Variants in PABPC4L observed in about 807,000 individuals in gnomAD.
PABPC4L encodes the protein poly(A) binding protein cytoplasmic 4 like.
For missense variants in PABPC4L, 452 were observed against 451.4 expected (o/e 1.00, Z -0.01); for synonymous variants, 169 against 164.1 (o/e 1.03, Z -0.23).
chr4:134,083,346 T>A, the PABPC4L span, among the ~76,000 whole-genome samples: 1 of 152,238 alleles, frequency 6.6e-6, no homozygotes, highest in East Asian at 1.9e-4. Context: ...AGGATTGGAT[T>A]ATATTTTAAA....
At chr4:133,978,229 G>C in the PABPC4L span, among the ~76,000 whole-genome samples, 1 of 152,186 alleles carries the variant, frequency 6.6e-6, no homozygotes, top group Non-Finnish European at 1.5e-5. Context: ...TGAGGGCTCT[G>C]TTGCTCCACC....
the PABPC4L span, among the ~76,000 whole-genome samples, chr4:134,007,802 T>C: frequency 6.6e-6 from 1 of 151,672 alleles, no homozygotes; most frequent in Non-Finnish European, 1.5e-5. Context: ...AGTTAATAAA[T>C]TTACTAAAAT....
At chr4:133,984,970 A>G in the PABPC4L span, among the ~76,000 whole-genome samples, 1 of 152,006 alleles carries the variant, frequency 6.6e-6, no homozygotes, top group African/African-American at 2.4e-5. Flanking sequence ...CTAGTACAAG[A>G]ACTAAAGGAA....
At chr4:134,161,527 G>A in the PABPC4L span, among the ~76,000 whole-genome samples, 1 of 151,990 alleles carries the variant, frequency 6.6e-6, no homozygotes, top group Non-Finnish European at 1.5e-5. Context: ...TTGAAATGGT[G>A]AAAGAAAAAA....
chr4:134,142,735 T>G, the PABPC4L span, among the ~76,000 whole-genome samples: 2 of 151,634 alleles, frequency 1.3e-5, no homozygotes, highest in South Asian at 4.2e-4. Flanking sequence ...AGGAATTTAG[T>G]GTTTCTAATA....
At position 134,198,882 on chromosome 4, in the gene PABPC4L, G is replaced by T. The variant is rs1221220897; in HGVS notation, c.*1025C>A. 1.3e-5 allele frequency: 2 copies of T among 152,058 alleles called. No individual in the cohort carries two copies. The highest frequency in any genetic ancestry group is 4.8e-5 in the African/African-American group (2 of 41,552). The allele number at this position is 152,058 out of a possible 1,614,324, so 9.4% of individuals were successfully genotyped here. On this transcript the variant is annotated 3_prime_UTR_variant, in exon 2 of 2. Coordinates refer to ENST00000421491, the MANE Select transcript of PABPC4L (RefSeq NM_001114734.2). ...TGTTTCTGATCAATGAAGGCTAAAA[G>T]TGAACCTTAATGGGTTCCATAGCTG... is the stretch of plus-strand genomic sequence containing the variant.
the PABPC4L span, among the ~76,000 whole-genome samples, chr4:134,046,343 C>T: frequency 6.6e-6 from 1 of 152,142 alleles, no homozygotes; most frequent in South Asian, 2.1e-4. Context: ...TCCACCCAAA[C>T]ATCTCAGTGT....
At chr4:134,042,466 G>A in the PABPC4L span, among the ~76,000 whole-genome samples, 60 of 152,186 alleles carry the variant, frequency 3.9e-4, no homozygotes, top group East Asian at 6.8e-3. Flanking sequence ...GTAATAACAT[G>A]TATTGACAAT....
At position 134,200,362 on chromosome 4, in the gene PABPC4L, T is replaced by G; in HGVS notation, c.658A>C (p.Lys220Gln). ...TTCCCACTGGAATCTGTCATCACCT[T>G]AACACTCAGAGTTTTGCCATATTTG... Reference protein sequence around the residue: ...FSKYGKTLSVKVMTDSSGKSK... With the variant: ...FSKYGKTLSVQVMTDSSGKSK... Residue 220 changes from lysine (K) to glutamine (Q), a missense_variant, in exon 2 of 2, where the codon AAG becomes CAG. By Grantham distance (53) the Lys-to-Gln change is moderately conservative. Transcript: ENST00000421491. 1 of 1,590,988 alleles carries G rather than the reference T, an allele frequency of 6.3e-7. No homozygotes were observed. The highest frequency in any genetic ancestry group is 8.6e-7 in the Non-Finnish European group (1 of 1,167,224).
chr4:134,152,571 G>A, the PABPC4L span, among the ~76,000 whole-genome samples: 3 of 152,026 alleles, frequency 2.0e-5, no homozygotes, highest in Non-Finnish European at 4.4e-5. Flanking sequence ...TGCATTCTGG[G>A]CATCTGCACA....
chr4:134,073,946 T>G, the PABPC4L span, among the ~76,000 whole-genome samples: 2 of 152,008 alleles, frequency 1.3e-5, no homozygotes, highest in African/African-American at 4.8e-5. Flanking sequence ...ACAAAAGCAT[T>G]TATCCCTCCC....
the PABPC4L span, among the ~76,000 whole-genome samples, chr4:134,085,018 C>T: frequency 1.3e-5 from 2 of 152,096 alleles, no homozygotes; most frequent in Non-Finnish European, 1.5e-5. Flanking sequence ...CACACAGGAA[C>T]AGCAGAGGCC....
the PABPC4L span, among the ~76,000 whole-genome samples, chr4:133,983,683 AT>A: frequency 1.3e-5 from 2 of 151,904 alleles, no homozygotes; most frequent in Non-Finnish European, 3.0e-5. Flanking sequence ...CTAAGTGGAT[AT>A]AATTCTATAA....
chr4:134,099,538 C>T, the PABPC4L span, among the ~76,000 whole-genome samples: 1 of 151,646 alleles, frequency 6.6e-6, no homozygotes, highest in Admixed American at 6.6e-5. Context: ...ATTTTTTCTT[C>T]TGCTACTTTT....
At chr4:134,064,716 T>C in the PABPC4L span, among the ~76,000 whole-genome samples, 1 of 152,046 alleles carries the variant, frequency 6.6e-6, no homozygotes, top group African/African-American at 2.4e-5. Context: ...AAGCATAAAA[T>C]GCAATAGGTA....
At chr4:134,177,455 T>C in the PABPC4L span, among the ~76,000 whole-genome samples, 11 of 152,242 alleles carry the variant, frequency 7.2e-5, no homozygotes, top group South Asian at 2.1e-3. Context: ...ATTACAGGCA[T>C]GAGCCACCGT....
chr4:133,992,778 G>T, the PABPC4L span, among the ~76,000 whole-genome samples: 3 of 152,132 alleles, frequency 2.0e-5, no homozygotes, highest in African/African-American at 7.2e-5. Context: ...AAATTATGTG[G>T]AGTGAATGGT....
chr4:134,115,953 G>C, the PABPC4L span, among the ~76,000 whole-genome samples: 1 of 151,718 alleles, frequency 6.6e-6, no homozygotes, highest in Non-Finnish European at 1.5e-5. Flanking sequence ...TATTTGATTA[G>C]ATAAAAAAGA....
chr4:134,199,412 TTAAATTCGTACTA>T lies in PABPC4L; in HGVS notation c.*482_*494del, dbSNP rs1729771413. ...ATTAATTCAAAATGAAATTAGGTCT[TTAAATTCGTACTA>T]TAAATTTCTAAAAGTTTGATTTCTC... On this transcript the variant is annotated 3_prime_UTR_variant, in exon 2 of 2. Coordinates refer to ENST00000421491, the MANE Select transcript of PABPC4L (RefSeq NM_001114734.2). 6.6e-6 allele frequency: 1 copy of T among 152,268 alleles called. No individual in the cohort carries two copies. The highest frequency in any genetic ancestry group is 2.4e-5 in the African/African-American group (1 of 41,456). The allele number at this position is 152,268 out of a possible 1,614,324, so 9.4% of individuals were successfully genotyped here.
Sources: gnomAD v4.1 joint callset for allele counts (sites outside exome capture counted in the v4.1 genomes callset) on GRCh38, gnomAD v4.1.1 for gene constraint, MANE v1.5 for transcripts, NCBI Gene and HGNC (gene_info 2026-07-23, HGNC 2026-07-21) for gene names.